Variants in ASAH1 observed in about 807,000 individuals in gnomAD.
ASAH1 encodes acid ceramidase.
ASAH1 carries 70 observed loss-of-function variants against 59.5 expected under a neutral mutation model. That is an observed-to-expected ratio of 1.18 (90% CI 0.97 to 1.43). The LOEUF is 1.43. Ranked by LOEUF, ASAH1 falls within the 40% of genes most tolerant of loss-of-function variation. ASAH1 has a pLI of 0.00. For missense variants in ASAH1, 660 were observed against 482.5 expected, an observed-to-expected ratio of 1.37 and a Z score of -3.45; for synonymous variants, 213 against 166.5, an observed-to-expected ratio of 1.28 and a Z score of -2.15.
At chr8:18,061,533 G>C in intron 9 of ASAH1, 75 bp from the exon 10 acceptor site, 1 of 1,447,600 alleles carries the variant, frequency 6.9e-7, no homozygotes, top group Non-Finnish European at 9.7e-7. Context: ...GGAAGAGGCT[G>C]GACTATATAA....
intron 6 of ASAH1, chr8:18,063,586 T>C: frequency 4.0e-6 from 1 of 247,308 alleles, no homozygotes; most frequent in South Asian, 4.8e-5. Context: ...CGCAAAGTGC[T>C]GGCATTACAG....
chr8:18,084,418 C>T (rs1039145475), upstream of ASAH1: 21 of 1,385,274 alleles, frequency 1.5e-5, no homozygotes, highest in Admixed American at 1.5e-4. Flanking sequence ...CGTGGCGCCT[C>T]GATGGGGCGC....
chr8:18,063,277 T>G, intron 6 of ASAH1, 47 bp from the exon 7 acceptor site: 1 of 1,500,416 alleles, frequency 6.7e-7, no homozygotes, highest in Non-Finnish European at 9.3e-7. Flanking sequence ...GTTAAGATTC[T>G]AAATCAAAGC....
chr8:18,061,820 G>T (rs912772507), intron 8 of ASAH1, 80 bp from the exon 9 acceptor site: 64 of 1,283,060 alleles, frequency 5.0e-5, no homozygotes, highest in Non-Finnish European at 6.6e-5. Context: ...ACTTCAGAGT[G>T]GGATATAAAG....
Position 18,062,641 on chromosome 8 carries a change from T to C in ASAH1, c.504-218A>G, listed in dbSNP as rs180947624. On this transcript the variant is annotated intron_variant, in intron 7 of 13. Transcript: ENST00000637790. The stretch of plus-strand genomic sequence containing the variant: ...AACTCTCTCAATATCACACAGCTTA[T>C]AAATAGTGAGCCTCAGATTCAAACA... The C allele has an allele frequency of 1.2e-5, 7 of 569,520 alleles. No homozygotes were observed. In the East Asian group the frequency reaches 1.9e-4, roughly 15 times the overall value. The allele number at this position is 569,520 out of a possible 1,614,324, so 35.3% of individuals were successfully genotyped here. A position where few individuals can be genotyped will look rare whatever the true frequency, so the allele number is the denominator to read the frequency against.
At chr8:18,060,357 T>C (rs17515264) in intron 10 of ASAH1, 13,672 of 153,322 alleles carry the variant, frequency 0.089, 802 homozygotes, top group Middle Eastern at 0.14. Context: ...TGACCCTGTA[T>C]GGTGAACACT....
Position 18,059,600 on chromosome 8 carries a change from C to G in ASAH1, c.889G>C (p.Asp297His), listed in dbSNP as rs1038751008. Residue 297 changes from aspartate to histidine, a missense_variant, in exon 11 of 14, where the codon GAC becomes CAC. Coordinates refer to ENST00000637790, the MANE Select transcript of ASAH1 (RefSeq NM_177924.5). ...TATACATCCAATGATTCCTTTCTGT[C>G]TCGTGTAATCACACAACCTTCCCCA... Reference protein sequence around the residue: ...QSGEGCVITRDRKESLDVYEL... With the variant: ...QSGEGCVITRHRKESLDVYEL... 18 of 1,614,192 alleles carry G rather than the reference C, an allele frequency of 1.1e-5. No homozygotes were observed. Among genetic ancestry groups the G allele is most frequent in the Non-Finnish European group, 1.5e-5 (18 of 1,180,028 alleles).
At chr8:18,082,338 C>G (rs1159122316) in intron 1 of ASAH1, among the ~76,000 whole-genome samples, 2 of 151,994 alleles carry the variant, frequency 1.3e-5, no homozygotes, top group Non-Finnish European at 2.9e-5. Flanking sequence ...GCTCTGAGTC[C>G]CACAGCTATC....
rs771365660 is a variant in ASAH1 at position 18,062,358 on chromosome 8, T to C, written c.569A>G (p.Asp190Gly). ...GACAGTTTTGTTGTTTCTTTGGAAA[T>C]CCAAATTCACTGTTAAAGGTTTTAG... ...EQLKPLTVNL[D>G]FQRNNKTVFK... Residue 190 changes from aspartate (D) to glycine (G), a missense_variant, in exon 8 of 14, where the codon GAT (aspartate) becomes GGT (glycine). Physicochemically the swap from Asp to Gly is moderately conservative, Grantham distance 94 (BLOSUM62 -1). Coordinates refer to ENST00000637790, the MANE Select transcript of ASAH1 (RefSeq NM_177924.5). The C allele has an allele frequency of 3.1e-6, 5 of 1,614,182 alleles. No individual in the cohort carries two copies. The African/African-American group carries it at 6.7e-5, about 22-fold the overall frequency.
chr8:18,079,737 T>C (rs1312634280), intron 1 of ASAH1, among the ~76,000 whole-genome samples: 2 of 152,230 alleles, frequency 1.3e-5, no homozygotes. Context: ...CAATTTTTCA[T>C]TCATTCAATT....
chr8:18,058,839 T>C lies in ASAH1; in HGVS notation c.1094A>G (p.Asn365Ser), dbSNP rs964224037. ...YDVLSTKPVL[N>S]KLTVYTTLID... Reference sequence around the variant, plus strand: ...TACATATAACATTTAAAATACCTTGTTGAGGACAGGTTTTGTTGACAGGAC... The same window carrying C: ...TACATATAACATTTAAAATACCTTGCTGAGGACAGGTTTTGTTGACAGGAC... The change falls in exon 13 of 14, where the codon AAC becomes AGC. Residue 365 changes from asparagine (N) to serine (S), a missense_variant. Transcript: ENST00000637790. 1 of 1,610,278 alleles carries C rather than the reference T, an allele frequency of 6.2e-7. No homozygotes were observed. The highest frequency in any genetic ancestry group is 1.3e-5 in the African/African-American group (1 of 74,984).
At chr8:18,079,804 G>A (rs7824280) in intron 1 of ASAH1, among the ~76,000 whole-genome samples, 73,763 of 152,090 alleles carry the variant, frequency 0.48, 18,338 homozygotes, top group Non-Finnish European at 0.54. Flanking sequence ...GTCCTCTTAT[G>A]TACAACTCAG....
intron 6 of ASAH1, chr8:18,063,544 C>G (rs1799801442): frequency 3.7e-6 from 1 of 270,262 alleles, no homozygotes; most frequent in South Asian, 4.5e-5. Context: ...GTGTCAAACT[C>G]CCAACCTCAG....
intron 2 of ASAH1, among the ~76,000 whole-genome samples, chr8:18,075,310 C>T (rs60860038): frequency 2.0e-5 from 3 of 152,220 alleles, no homozygotes; most frequent in Non-Finnish European, 2.9e-5. Flanking sequence ...CTTTTCTTTC[C>T]GATGATTTTG....
intron 10 of ASAH1, 183 bp downstream of exon 10, chr8:18,061,194 G>C (rs911932937): frequency 4.6e-5 from 24 of 521,982 alleles, no homozygotes; most frequent in Non-Finnish European, 7.5e-5. Flanking sequence ...TCATTTATTT[G>C]CTATAAAACA....
At chr8:18,067,094 G>GATCTGTGC in intron 5 of ASAH1, 126 bp downstream of exon 5, 2 of 119,554 alleles carry the variant, frequency 1.7e-5, no homozygotes, top group Non-Finnish European at 5.8e-5. Context: ...GTATATCTAA[G>GATCTGTGC]ACCTGTGCAC....
At position 18,056,516 on chromosome 8, in the gene ASAH1, C is replaced by A. The variant is rs1320482080; in HGVS notation, c.*1018G>T. ...CTGTGATTATACAAAATGAAGTGGACAAACGGTCTTGCACAAATGACGTAC... is the reference window on the plus strand; with the variant it reads ...CTGTGATTATACAAAATGAAGTGGAAAAACGGTCTTGCACAAATGACGTAC... On this transcript the variant is annotated 3_prime_UTR_variant, in exon 14 of 14. Coordinates refer to ENST00000637790, the MANE Select transcript of ASAH1 (RefSeq NM_177924.5). 3 of 152,150 alleles carry A rather than the reference C, an allele frequency of 2.0e-5. No homozygotes were observed. Among genetic ancestry groups the A allele is most frequent in the East Asian group, 3.8e-4 (2 of 5,202 alleles). 9.4% of individuals were successfully genotyped at this position (152,150 alleles called of 1,614,324 possible). A position where few individuals can be genotyped will look rare whatever the true frequency, so the allele number is the denominator to read the frequency against.
intron 12 of ASAH1, 189 bp from the exon 13 acceptor site, chr8:18,059,080 C>T (rs914009401): frequency 3.4e-6 from 2 of 584,536 alleles, no homozygotes; most frequent in Admixed American, 4.4e-5. Context: ...TTTCCTCTCT[C>T]TCCTTCCCCT....
intron 1 of ASAH1, 89 bp downstream of exon 1, chr8:18,083,892 C>G: frequency 6.5e-7 from 1 of 1,537,722 alleles, no homozygotes; most frequent in Non-Finnish European, 8.7e-7. Flanking sequence ...CGAGGTGTTC[C>G]TTGTACCCGC....
Sources: gnomAD v4.1 joint callset for allele counts (sites outside exome capture counted in the v4.1 genomes callset) on GRCh38, gnomAD v4.1.1 for gene constraint, MANE v1.5 for transcripts, NCBI Gene and HGNC (gene_info 2026-07-23, HGNC 2026-07-21) for gene names.